The following SLC36A1 variants were observed in gnomAD, a reference collection of about 807,000 sequenced individuals.
The protein encoded by SLC36A1 is solute carrier family 36 member 1, also known as proton-coupled amino acid transporter 1.
Under a neutral mutation model 47.5 loss-of-function variants are expected in SLC36A1, and 30 were observed. The observed-to-expected ratio is 0.63, with a 90% CI of 0.47 to 0.86. The LOEUF (loss-of-function observed/expected upper bound fraction) is 0.86. Ranked by LOEUF, SLC36A1 falls within the 40% of genes least tolerant of loss-of-function variation. The pLI is 0.00. For synonymous variants in SLC36A1, 255 were observed against 249.7 expected, an observed-to-expected ratio of 1.02 and a Z score of -0.20; for missense variants, 517 against 606.0, an observed-to-expected ratio of 0.85 and a Z score of 1.54.
chr5:151,378,316 TC>T, the SLC36A1 span: 1 of 203,668 alleles, frequency 4.9e-6, no homozygotes, highest in Non-Finnish European at 1.1e-5. Context: ...TAAAGTCTTT[TC>T]TCCCATACTC....
chr5:151,543,991 A>T, the SLC36A1 span: 2 of 1,614,158 alleles, frequency 1.2e-6, no homozygotes, highest in Non-Finnish European at 1.7e-6. Context: ...AGGTTGTCTG[A>T]ACTCTGGGGG....
chr5:151,385,037 T>TGTGTGTGA, the SLC36A1 span, among the ~76,000 whole-genome samples: 88 of 142,206 alleles, frequency 6.2e-4, no homozygotes, highest in African/African-American at 2.3e-3. Context: ...TGTGTGTGTG[T>TGTGTGTGA]GAGAGAGAGA....
chr5:151,417,909 A>C, the SLC36A1 span, among the ~76,000 whole-genome samples: 1 of 152,212 alleles, frequency 6.6e-6, no homozygotes, highest in Admixed American at 6.5e-5. Context: ...GAGGCCTAGG[A>C]GGGTAAAATG....
chr5:151,443,981 T>A (rs533625980), upstream of SLC36A1, among the ~76,000 whole-genome samples: 1 of 152,350 alleles, frequency 6.6e-6, no homozygotes, highest in South Asian at 2.1e-4. Flanking sequence ...ACCATATATG[T>A]TTGAATTTAT....
the SLC36A1 span, among the ~76,000 whole-genome samples, chr5:151,372,405 G>A: frequency 6.6e-6 from 1 of 151,652 alleles, no homozygotes; most frequent in African/African-American, 2.4e-5. Context: ...GGAAATGTGA[G>A]TAATAAAAAA....
intron 8 of SLC36A1, among the ~76,000 whole-genome samples, chr5:151,475,664 T>G (rs1757948454): frequency 6.6e-6 from 1 of 152,170 alleles, no homozygotes; most frequent in South Asian, 2.1e-4. Flanking sequence ...CTGGAGCAGG[T>G]GGTGGGGGAC....
At chr5:151,476,154 G>A (rs758749613) in intron 8 of SLC36A1, among the ~76,000 whole-genome samples, 1 of 152,262 alleles carries the variant, frequency 6.6e-6, no homozygotes, top group Non-Finnish European at 1.5e-5. Flanking sequence ...AGCTAGAGTG[G>A]CAGTTTTCCC....
the SLC36A1 span, among the ~76,000 whole-genome samples, chr5:151,359,145 A>G: frequency 6.6e-6 from 1 of 152,204 alleles, no homozygotes; most frequent in Non-Finnish European, 1.5e-5. Flanking sequence ...AAACAGACAT[A>G]TTGGCCCAAT....
chr5:151,356,292 C>T, the SLC36A1 span, among the ~76,000 whole-genome samples: 5 of 137,626 alleles, frequency 3.6e-5, no homozygotes, highest in African/African-American at 1.1e-4. Flanking sequence ...GAGCTGAGAT[C>T]ACGCCACTGC....
At chr5:151,403,480 C>G in the SLC36A1 span, among the ~76,000 whole-genome samples, 1 of 152,154 alleles carries the variant, frequency 6.6e-6, no homozygotes, top group Non-Finnish European at 1.5e-5. Flanking sequence ...TCCCCCTGCT[C>G]CCAGCACCAA....
At chr5:151,356,339 C>CAAACAAAAAAAAAA in the SLC36A1 span, among the ~76,000 whole-genome samples, 1 of 51,314 alleles carries the variant, frequency 1.9e-5, no homozygotes, top group African/African-American at 5.4e-5. Flanking sequence ...CTCTGTCTCA[C>CAAACAAAAAAAAAA]AAAAAAAAAA....
the SLC36A1 span, chr5:151,553,114 A>G: frequency 3.9e-6 from 6 of 1,524,582 alleles, no homozygotes; most frequent in East Asian, 1.1e-4. Context: ...TAGCAGGAAA[A>G]CTAGAGCTGG....
chr5:151,420,339 T>C, the SLC36A1 span, among the ~76,000 whole-genome samples: 2 of 152,212 alleles, frequency 1.3e-5, no homozygotes, highest in Non-Finnish European at 2.9e-5. Context: ...CTTGGGTCAC[T>C]TTGGCCCATG....
At chr5:151,516,583 T>C in the SLC36A1 span, among the ~76,000 whole-genome samples, 1 of 152,158 alleles carries the variant, frequency 6.6e-6, no homozygotes, top group Non-Finnish European at 1.5e-5. Context: ...TCCTTTTTGC[T>C]CATAATACTT....
At chr5:151,552,254 G>A in the SLC36A1 span, among the ~76,000 whole-genome samples, 1 of 152,192 alleles carries the variant, frequency 6.6e-6, no homozygotes, top group African/African-American at 2.4e-5. Context: ...TCAAGCAGCT[G>A]GGATTACAGG....
At chr5:151,517,915 C>T in the SLC36A1 span, 34 of 948,530 alleles carry the variant, frequency 3.6e-5, no homozygotes, top group Non-Finnish European at 4.8e-5. Context: ...TGGGGTGTGC[C>T]ATACCTTTCT....
At chr5:151,403,993 T>C in the SLC36A1 span, among the ~76,000 whole-genome samples, 1 of 152,198 alleles carries the variant, frequency 6.6e-6, no homozygotes, top group Non-Finnish European at 1.5e-5. Context: ...CCTTTGATGA[T>C]CTGTCTTACA....
chr5:151,435,732 A>C (rs1013547718), upstream of SLC36A1, among the ~76,000 whole-genome samples: 18 of 152,106 alleles, frequency 1.2e-4, 1 homozygote, highest in East Asian at 3.1e-3. Flanking sequence ...AAATAAAATA[A>C]GGGAAAATTA....
At chr5:151,439,628 G>C (rs893293567) in intron 1 of SLC36A1, among the ~76,000 whole-genome samples, 1 of 150,762 alleles carries the variant, frequency 6.6e-6, no homozygotes, top group African/African-American at 2.4e-5. Flanking sequence ...ACTCCAGCCA[G>C]GGCAACAGAG....
Sources: allele counts gnomAD v4.1 joint callset (sites outside exome capture counted in the v4.1 genomes callset), GRCh38; gene constraint gnomAD v4.1.1; transcripts MANE v1.5; gene names NCBI Gene and HGNC (gene_info 2026-07-23, HGNC 2026-07-21).